The following MRPL37 variants were observed in gnomAD, a reference collection of about 807,000 sequenced individuals.
The protein encoded by MRPL37 is large ribosomal subunit protein mL37.
In MRPL37, 34 loss-of-function variants were observed where a neutral mutation model predicts 44.1. The ratio of observed to expected loss-of-function variants is 0.77; its 90% confidence interval spans 0.59 to 1.03. The LOEUF (loss-of-function observed/expected upper bound fraction) is 1.03. MRPL37 is among the 50% of genes least tolerant of loss of function. MRPL37 has a pLI of 0.00. For missense variants in MRPL37, 532 were observed against 543.7 expected (o/e 0.98, Z 0.21); for synonymous variants, 212 against 219.5 (o/e 0.97, Z 0.30).
chr1:54,208,700 G>C (rs34725359), intron 3 of MRPL37, among the ~76,000 whole-genome samples: 2,083 of 152,072 alleles, frequency 0.014, 47 homozygotes, highest in African/African-American at 0.048. Flanking sequence ...CCTGACTTTT[G>C]CACATTATTC....
downstream of MRPL37, among the ~76,000 whole-genome samples, chr1:54,222,351 G>C (rs1644241714): frequency 6.7e-6 from 1 of 149,126 alleles, no homozygotes; most frequent in East Asian, 1.9e-4. Flanking sequence ...CAGGAACAAA[G>C]GCCCTGGGGG....
In MRPL37 at chr1:54,212,399, C is replaced by G. The variant is rs1008401313; in HGVS notation, c.833-102C>G. On this transcript the variant is annotated intron_variant, in intron 4 of 6. Coordinates refer to ENST00000360840, the MANE Select transcript of MRPL37 (RefSeq NM_016491.4). ...TAGTATCCACCTTTGTTGAGTCTCTCTGTAGCACCTGTCCCTGGGCTAAGG... is the reference window on the plus strand; with the variant it reads ...TAGTATCCACCTTTGTTGAGTCTCTGTGTAGCACCTGTCCCTGGGCTAAGG... 7.1e-6 allele frequency: 10 copies of G among 1,403,910 alleles called. No homozygotes were observed. In the African/African-American group the frequency reaches 1.3e-4, roughly 18 times the overall value. 87.0% of individuals were successfully genotyped at this position (1,403,910 alleles called of 1,614,324 possible). A position where few individuals can be genotyped will look rare whatever the true frequency, so the allele number is the denominator to read the frequency against.
chr1:54,206,775 T>C (rs1644125933), intron 3 of MRPL37, among the ~76,000 whole-genome samples: 1 of 151,874 alleles, frequency 6.6e-6, no homozygotes, highest in Admixed American at 6.6e-5. Context: ...GTTTTGCTCT[T>C]GTTGCCTGGG....
chr1:54,224,921 AGT>A (rs1447923509), downstream of MRPL37, among the ~76,000 whole-genome samples: 4 of 112,614 alleles, frequency 3.6e-5, no homozygotes, highest in East Asian at 1.3e-3. Context: ...AAGGGCTCCC[AGT>A]ACACCTTGGA....
intron 3 of MRPL37, among the ~76,000 whole-genome samples, chr1:54,209,396 G>A (rs575717437): frequency 2.0e-5 from 3 of 152,056 alleles, no homozygotes. Context: ...TAAATGACTT[G>A]AGGCACATGG....
At chr1:54,209,915 A>G (rs1644152094) in intron 3 of MRPL37, 31 bp from the exon 4 acceptor site, 1 of 1,607,326 alleles carries the variant, frequency 6.2e-7, no homozygotes, top group Non-Finnish European at 8.5e-7. Flanking sequence ...CTTTAGTACC[A>G]GGTTAGAGTA....
rs538909595 is a variant in MRPL37 at position 54,209,984 on chromosome 1, C to T, written c.685C>T (p.Arg229Ter). The change falls in exon 4 of 7, where the codon CGA becomes TGA. Residue 229 changes from arginine to a stop codon, truncating the protein, a stop_gained. Coordinates refer to ENST00000360840, the MANE Select transcript of MRPL37 (RefSeq NM_016491.4). LOFTEE classifies it high-confidence loss of function. Reference protein sequence around the residue: ...LLQVRGSGGARLSTKDPLPTI... With the variant: ...LLQVRGSGGA ...TCAAGTCCGTGGTTCTGGTGGAGCC[C>T]GACTGAGCACTAAGGATCCTCTGCC... The T allele has an allele frequency of 3.0e-5, 48 of 1,614,090 alleles. No homozygotes were observed. The highest frequency in any genetic ancestry group is 4.4e-5 in the South Asian group (4 of 91,070).
chr1:54,220,113 G>A (rs1644223076), downstream of MRPL37, among the ~76,000 whole-genome samples: 1 of 152,158 alleles, frequency 6.6e-6, no homozygotes. Context: ...GAGCTGGTGG[G>A]ATGGCGGTAG....
chr1:54,211,229 T>C (rs1054194162), intron 4 of MRPL37, among the ~76,000 whole-genome samples: 4 of 152,174 alleles, frequency 2.6e-5, no homozygotes, highest in African/African-American at 9.7e-5. Flanking sequence ...CCACAGCCCC[T>C]GACTTACCTC....
chr1:54,215,177 G>A (rs1339052615), intron 5 of MRPL37, among the ~76,000 whole-genome samples: 3 of 152,148 alleles, frequency 2.0e-5, no homozygotes, highest in South Asian at 2.1e-4. Flanking sequence ...ATGAGGTGCC[G>A]CTATTAGATA....
intron 5 of MRPL37, among the ~76,000 whole-genome samples, chr1:54,214,189 GA>G (rs966183940): frequency 2.6e-5 from 4 of 151,210 alleles, no homozygotes; most frequent in African/African-American, 9.7e-5. Flanking sequence ...TGCCTCAAAG[GA>G]AAAAAAAGAA....
intron 3 of MRPL37, among the ~76,000 whole-genome samples, chr1:54,206,855 C>T (rs1570142355): frequency 6.6e-6 from 1 of 151,958 alleles, no homozygotes; most frequent in South Asian, 2.1e-4. Flanking sequence ...CTGTCTCAGC[C>T]TCTCAAGTAG....
At chr1:54,206,356 C>T (rs1048449761) in intron 3 of MRPL37, among the ~76,000 whole-genome samples, 13 of 151,854 alleles carry the variant, frequency 8.6e-5, no homozygotes, top group Non-Finnish European at 1.8e-4. Flanking sequence ...TCCTGATCCG[C>T]CTGCCTCGGC....
downstream of MRPL37, chr1:54,218,442 G>GAGCCTGACCTGCCCCAGCTGA: frequency 7.2e-7 from 1 of 1,387,604 alleles, no homozygotes; most frequent in Non-Finnish European, 9.5e-7. Flanking sequence ...CCAAGCCCTG[G>GAGCCTGACCTGCCCCAGCTGA]AGCCTGACCT....
rs766386449 is a variant in MRPL37, at chr1:54,216,173, G to C, written c.1023G>C (p.Val341=). Residue 341 remains valine (V), a synonymous_variant, in exon 6 of 7, where the codon GTG becomes GTC. Coordinates refer to ENST00000360840, the MANE Select transcript of MRPL37 (RefSeq NM_016491.4). ...CCAAGGTCTTGGAGCAGCCCGTGGT[G>C]GTGCAGAGCGTGGGCACGGATGGAC... The part of the protein sequence containing the change: ...NDAKVLEQPV[V]VQSVGTDGRV... 3.1e-6 allele frequency: 5 copies of C among 1,614,082 alleles called. No homozygotes were observed. Among genetic ancestry groups the C allele is most frequent in the Middle Eastern group, 1.6e-4 (1 of 6,084 alleles).
At chr1:54,206,437 T>C (rs1379457323) in intron 3 of MRPL37, among the ~76,000 whole-genome samples, 1 of 151,454 alleles carries the variant, frequency 6.6e-6, no homozygotes, top group African/African-American at 2.4e-5. Flanking sequence ...TGAGACAGAG[T>C]CTTGCTGTGT....
chr1:54,223,918 G>A (rs1252804024), downstream of MRPL37, among the ~76,000 whole-genome samples: 1 of 152,238 alleles, frequency 6.6e-6, no homozygotes, highest in Non-Finnish European at 1.5e-5. Context: ...TGCCCCTGAG[G>A]AAGGCCAAAC....
At chr1:54,212,471 C>A (rs377601483) in intron 4 of MRPL37, 30 bp from the exon 5 acceptor site, 2 of 1,609,146 alleles carry the variant, frequency 1.2e-6, no homozygotes, top group African/African-American at 2.7e-5. Flanking sequence ...GAATCCTTTC[C>A]ACCCCTCCAC....
chr1:54,219,150 C>T (rs1474408527), downstream of MRPL37, among the ~76,000 whole-genome samples: 4 of 152,232 alleles, frequency 2.6e-5, no homozygotes, highest in African/African-American at 9.6e-5. Context: ...ACTCTGGAGC[C>T]AGAGGCAAGG....
Sources: allele counts gnomAD v4.1 joint callset (sites outside exome capture counted in the v4.1 genomes callset), GRCh38; gene constraint gnomAD v4.1.1; transcripts MANE v1.5; gene names NCBI Gene and HGNC (gene_info 2026-07-23, HGNC 2026-07-21).